Variants in NUTM2B observed in about 807,000 individuals in gnomAD.
NUTM2B encodes NUT family member 2B.
In NUTM2B, 2 loss-of-function variants were observed where a neutral mutation model predicts 42.4. That is an observed-to-expected ratio of 0.05 (90% CI 0.02 to 0.15). The LOEUF (loss-of-function observed/expected upper bound fraction) is 0.15. NUTM2B is among the 10% of genes least tolerant of loss of function. NUTM2B has a pLI of 1.00. For synonymous variants in NUTM2B, 18 were observed against 402.4 expected, an observed-to-expected ratio of 0.04 and a Z score of 11.43; for missense variants, 58 against 952.6, an observed-to-expected ratio of 0.06 and a Z score of 12.36.
At chr10:79,700,769 G>C (rs890521581), upstream of NUTM2B, among the ~76,000 whole-genome samples, 5 of 152,206 alleles carry the variant, frequency 3.3e-5, no homozygotes, top group Non-Finnish European at 1.5e-5. Flanking sequence ...GGTTGAGGGC[G>C]GCCGGCCTCG....
chr10:79,692,462 C>T, the NUTM2B span, among the ~76,000 whole-genome samples: 1 of 152,300 alleles, frequency 6.6e-6, no homozygotes, highest in East Asian at 1.9e-4. Flanking sequence ...AGCAGTCTGG[C>T]TCCAGAGCCT....
chr10:79,706,455 AC>A lies in NUTM2B; in HGVS notation c.799del (p.Gln267ArgfsTer108). 1.2e-6 allele frequency: 1 copy of A among 802,922 alleles called. No homozygotes were observed. Among genetic ancestry groups the A allele is most frequent in the Non-Finnish European group, 1.8e-6 (1 of 540,546 alleles). The allele number at this position is 802,922 out of a possible 1,614,324, so 49.7% of individuals were successfully genotyped here. On this transcript the variant is annotated frameshift_variant, in exon 2 of 7. Coordinates refer to ENST00000429828, the Ensembl canonical transcript of NUTM2B. LOFTEE classifies it high-confidence loss of function. ...TATGGCTGCCCAGGTGGTTGGGGGC[AC>A]CCAGGCCTGTGAGGGAGGCTGGTCC...
At chr10:79,702,394 T>C (rs1260121857), upstream of NUTM2B, among the ~76,000 whole-genome samples, 2 of 149,234 alleles carry the variant, frequency 1.3e-5, no homozygotes, top group Non-Finnish European at 3.0e-5. Context: ...CGAGAACTCA[T>C]GGGGATATTG....
At chr10:79,692,123 G>T in the NUTM2B span, 2 of 151,998 alleles carry the variant, frequency 1.3e-5, no homozygotes, top group South Asian at 2.1e-4. Flanking sequence ...GGGATTTAGG[G>T]GCAAGAGCAG....
chr10:79,698,663 TAA>T (rs1221923186), upstream of NUTM2B, among the ~76,000 whole-genome samples: 1 of 125,832 alleles, frequency 7.9e-6, no homozygotes, highest in African/African-American at 3.0e-5. Flanking sequence ...CTCTCCTGTA[TAA>T]AAAGAGAACC....
intron 2 of NUTM2B, among the ~76,000 whole-genome samples, chr10:79,707,203 C>A (rs1840409152): frequency 1.5e-5 from 2 of 133,152 alleles, no homozygotes; most frequent in African/African-American, 2.9e-5. Context: ...CCAGTTAGCA[C>A]AGCGGTGGTG....
chr10:79,702,588 G>A (rs920520218), upstream of NUTM2B, among the ~76,000 whole-genome samples: 1 of 151,094 alleles, frequency 6.6e-6, no homozygotes, highest in Non-Finnish European at 1.5e-5. Flanking sequence ...CTTCGTAAGT[G>A]CCGACAGGGT....
upstream of NUTM2B, among the ~76,000 whole-genome samples, chr10:79,702,569 G>A (rs1344645822): frequency 2.0e-5 from 3 of 151,072 alleles, no homozygotes; most frequent in Non-Finnish European, 2.9e-5. Context: ...TCTTCAAAAG[G>A]GGCAAATGCT....
upstream of NUTM2B, among the ~76,000 whole-genome samples, chr10:79,700,571 C>A (rs886678052): frequency 1.3e-5 from 2 of 152,124 alleles, no homozygotes; most frequent in African/African-American, 4.8e-5. Context: ...AATGTGGGGT[C>A]GCCCCGTGGA....
chr10:79,712,454 G>A, exon 7 of NUTM2B: 1 of 1,537,396 alleles, frequency 6.5e-7, no homozygotes. Context: ...TTGGTCTCCA[G>A]GAAGGAGAAG....
chr10:79,693,903 CAAGAGGATTCACCACG>C, the NUTM2B span, among the ~76,000 whole-genome samples: 3 of 152,098 alleles, frequency 2.0e-5, no homozygotes, highest in African/African-American at 7.2e-5. Context: ...ATTTTATTGG[CAAGAGGATTCACCACG>C]AGGAAGAAAA....
At chr10:79,694,731 C>T in the NUTM2B span, among the ~76,000 whole-genome samples, 3 of 152,196 alleles carry the variant, frequency 2.0e-5, no homozygotes, top group Non-Finnish European at 2.9e-5. Context: ...AAACCGAATC[C>T]ATTCTCTCTT....
intron 3 of NUTM2B, among the ~76,000 whole-genome samples, chr10:79,709,133 G>A (rs1374768711): frequency 1.2e-4 from 14 of 112,190 alleles, no homozygotes; most frequent in Non-Finnish European, 2.4e-4. Context: ...TGTGGGGATG[G>A]GGAGAAGGGG....
At chr10:79,698,267 C>T (rs1301292122), upstream of NUTM2B, among the ~76,000 whole-genome samples, 2 of 152,006 alleles carry the variant, frequency 1.3e-5, no homozygotes, top group Non-Finnish European at 2.9e-5. Flanking sequence ...ATCCCCAATC[C>T]CTGAGTGTAT....
rs1236761558 is a variant in NUTM2B, at chr10:79,705,099, T to C, written c.383-943T>C. Among the ~76,000 whole-genome samples, 4 of 128,884 alleles carry C rather than the reference T, an allele frequency of 3.1e-5. No individual in the cohort carries two copies. In the Admixed American group the frequency reaches 3.2e-4, roughly 10 times the overall value. 84.6% of individuals were successfully genotyped at this position (128,884 alleles called of 152,430 possible). ...TGGCCCAAGAACCCCTGGTTTTTGGTTGGTCACTATGTTCAGTTATTAGGA... is the reference window on the plus strand; with the variant it reads ...TGGCCCAAGAACCCCTGGTTTTTGGCTGGTCACTATGTTCAGTTATTAGGA... On this transcript the variant is annotated intron_variant, in intron 1 of 6. Coordinates refer to ENST00000429828, the Ensembl canonical transcript of NUTM2B.
At chr10:79,699,250 T>C (rs933820450), upstream of NUTM2B, among the ~76,000 whole-genome samples, 6 of 151,668 alleles carry the variant, frequency 4.0e-5, no homozygotes, top group Non-Finnish European at 8.8e-5. Context: ...ACAAGATAAT[T>C]CTTCCAAATC....
At chr10:79,699,918 C>G (rs1253276650), upstream of NUTM2B, among the ~76,000 whole-genome samples, 1 of 152,202 alleles carries the variant, frequency 6.6e-6, no homozygotes, top group Non-Finnish European at 1.5e-5. Context: ...CTCCAAAATC[C>G]AAAATAAATC....
upstream of NUTM2B, among the ~76,000 whole-genome samples, chr10:79,698,457 T>A (rs1292045785): frequency 7.3e-6 from 1 of 137,442 alleles, no homozygotes; most frequent in Non-Finnish European, 1.6e-5. Flanking sequence ...ATCTATCTGC[T>A]GATAAATATA....
chr10:79,711,404 CACCT>C (rs1172525246), intron 6 of NUTM2B, 38 bp downstream of exon 6: 8 of 608,726 alleles, frequency 1.3e-5, no homozygotes, highest in African/African-American at 4.1e-5. Context: ...ACACAAGGCC[CACCT>C]GATTGTCTAA....
Sources: allele counts gnomAD v4.1 joint callset (sites outside exome capture counted in the v4.1 genomes callset), GRCh38; gene constraint gnomAD v4.1.1; transcripts MANE v1.5; gene names NCBI Gene and HGNC (gene_info 2026-07-23, HGNC 2026-07-21).